The following GGA1 variants were observed in gnomAD, a reference collection of about 807,000 sequenced individuals.
GGA1 encodes the protein golgi associated, gamma adaptin ear containing, ARF binding protein 1.
Under a neutral mutation model 76.9 loss-of-function variants are expected in GGA1, and 18 were observed. That is an observed-to-expected ratio of 0.23 (90% confidence interval 0.16 to 0.35). The LOEUF is 0.35. Ranked by LOEUF, GGA1 falls within the 10% of genes least tolerant of loss-of-function variation. The pLI is 1.00. For missense variants in GGA1, 755 were observed against 859.0 expected (o/e 0.88, Z 1.51); for synonymous variants, 342 against 354.7 (o/e 0.96, Z 0.40).
At chr22:37,620,425 G>T in intron 5 of GGA1, 64 bp downstream of exon 5, 1 of 1,573,128 alleles carries the variant, frequency 6.4e-7, no homozygotes, top group Non-Finnish European at 8.7e-7. Flanking sequence ...CATGAGCTGG[G>T]GCTCCAGCGG....
At chr22:37,617,901 C>G (rs867349927) in intron 3 of GGA1, 13 of 210,924 alleles carry the variant, frequency 6.2e-5, no homozygotes, top group Admixed American at 3.3e-4. Flanking sequence ...GCGGGCAGAT[C>G]ACCTGAGATC....
In GGA1 at chr22:37,633,112, G is replaced by C. The variant is rs561619827; in HGVS notation, c.*401G>C. 5.4e-6 allele frequency: 1 copy of C among 184,034 alleles called. No homozygotes were observed. The highest frequency in any genetic ancestry group is 1.2e-5 in the Non-Finnish European group (1 of 86,582). 11.4% of individuals were successfully genotyped at this position (184,034 alleles called of 1,614,324 possible). ...CTCTTATGCCTTATGGGAAGGCCCAGCCATAACTCGGGGGCCATGCTGGAG... is the reference window on the plus strand; with the variant it reads ...CTCTTATGCCTTATGGGAAGGCCCACCCATAACTCGGGGGCCATGCTGGAG... On this transcript the variant is annotated 3_prime_UTR_variant, in exon 17 of 17. Coordinates refer to ENST00000343632, the MANE Select transcript of GGA1 (RefSeq NM_013365.5).
intron 11 of GGA1, chr22:37,626,361 G>A (rs561278919): frequency 2.6e-5 from 4 of 154,134 alleles, no homozygotes; most frequent in African/African-American, 9.6e-5. Context: ...GAGAAGCCGA[G>A]GCCAGAGCGC....
intron 1 of GGA1, 29 bp downstream of exon 1, chr22:37,608,932 A>G (rs1926907238): frequency 1.5e-6 from 2 of 1,312,070 alleles, no homozygotes; most frequent in South Asian, 2.1e-5. Flanking sequence ...CGCGGGCCGG[A>G]CCGGAACCGG....
At chr22:37,629,730 T>C (rs1310105350) in intron 12 of GGA1, among the ~76,000 whole-genome samples, 1 of 152,186 alleles carries the variant, frequency 6.6e-6, no homozygotes, top group Non-Finnish European at 1.5e-5. Context: ...GTCTCAGCCT[T>C]GGGGCTGCAG....
At position 37,630,891 on chromosome 22, in the gene GGA1, C is replaced by A; in HGVS notation, c.1332-12C>A. 2 of 1,597,946 alleles carry A rather than the reference C, an allele frequency of 1.3e-6. No individual in the cohort carries two copies. Among genetic ancestry groups the A allele is most frequent in the East Asian group, 2.2e-5 (1 of 44,632 alleles). On this transcript the variant is annotated splice_polypyrimidine_tract_variant and intron_variant, in intron 13 of 16. Transcript: ENST00000343632. ...CAAGAATCACTTCTTAATGCACTGT[C>A]CCCCGATTAAGGGAGAAGCAGCAGC... is the stretch of plus-strand genomic sequence containing the variant.
chr22:37,630,112 C>T lies in GGA1; in HGVS notation c.1273C>T (p.Leu425Phe), dbSNP rs771065392. 6.2e-7 allele frequency: 1 copy of T among 1,609,314 alleles called. No homozygotes were observed. Residue 425 changes from leucine (L) to phenylalanine (F), a missense_variant, in exon 13 of 17, where the codon CTC becomes TTC. Transcript: ENST00000343632. ...PASSGLDDLD[L>F]LGKTLLQQSL... ...AAGCAGCGGTCTGGACGACCTAGAC[C>T]TCCTGGGGAAGACCCTCCTGCAGCA...
intron 3 of GGA1, chr22:37,617,622 C>A: frequency 1.3e-6 from 1 of 756,140 alleles, no homozygotes; most frequent in Non-Finnish European, 1.6e-6. Flanking sequence ...TTGCTTGAGG[C>A]AAGGAGTTCA....
At chr22:37,620,463 C>T in intron 5 of GGA1, 102 bp downstream of exon 5, 1 of 1,262,822 alleles carries the variant, frequency 7.9e-7, no homozygotes, top group East Asian at 2.3e-5. Context: ...CCAGCAAGGT[C>T]ATGGGTCTGT....
intron 7 of GGA1, among the ~76,000 whole-genome samples, chr22:37,622,726 TC>T (rs1930122184): frequency 6.6e-6 from 1 of 151,854 alleles, no homozygotes; most frequent in South Asian, 2.1e-4. Context: ...ATGCCTGTAA[TC>T]CCAGCACTTT....
chr22:37,619,326 A>C (rs1349945434), intron 4 of GGA1, among the ~76,000 whole-genome samples: 1 of 151,738 alleles, frequency 6.6e-6, no homozygotes, highest in African/African-American at 2.4e-5. Context: ...TGGACTCCCA[A>C]AGTGCCGGGA....
rs373881165 is a variant in GGA1, at chr22:37,617,082, G to T, written c.204+85G>T. 1.2e-4 allele frequency: 192 copies of T among 1,549,510 alleles called. No homozygotes were observed. The Middle Eastern group carries it at 2.0e-3, about 16-fold the overall frequency. Reference sequence around the variant, plus strand: ...AGACTGAGGTTCTTGGGGTCCATAAGGCTCTTCAGAGCCCAAGAGAGTTGT... The same window carrying T: ...AGACTGAGGTTCTTGGGGTCCATAATGCTCTTCAGAGCCCAAGAGAGTTGT... On this transcript the variant is annotated intron_variant, in intron 3 of 16. Transcript: ENST00000343632.
chr22:37,626,286 A>G (rs963143428), intron 11 of GGA1: 6 of 195,996 alleles, frequency 3.1e-5, no homozygotes, highest in Non-Finnish European at 6.2e-5. Flanking sequence ...GCAAAAGTTC[A>G]GCAGTTTCTT....
Position 37,623,721 on chromosome 22 carries a change from C to A in GGA1, c.832+88C>A. The A allele has an allele frequency of 1.1e-6, 1 of 948,190 alleles. No homozygotes were observed. Among genetic ancestry groups the A allele is most frequent in the Non-Finnish European group, 1.6e-6 (1 of 617,106 alleles). The allele number at this position is 948,190 out of a possible 1,614,324, so 58.7% of individuals were successfully genotyped here. On this transcript the variant is annotated intron_variant, in intron 9 of 16. Coordinates refer to ENST00000343632, the MANE Select transcript of GGA1 (RefSeq NM_013365.5). The surrounding 1 kb of genome is among the most constrained non-coding windows in gnomAD (Gnocchi z 4.6). ...TCCCCCAGGCCCTGCTAAGTATCTG[C>A]AGTTGGAAGGAGCCACCACCAGGGG...
At chr22:37,628,349 C>T (rs1041805218) in intron 11 of GGA1, among the ~76,000 whole-genome samples, 1 of 152,200 alleles carries the variant, frequency 6.6e-6, no homozygotes, top group African/African-American at 2.4e-5. Context: ...AGACATTAGC[C>T]ACTGCACCTG....
intron 3 of GGA1, chr22:37,617,806 T>C: frequency 1.0e-6 from 1 of 954,280 alleles, no homozygotes; most frequent in Non-Finnish European, 1.2e-6. Flanking sequence ...AGGTAGGTGT[T>C]GCCTATATAA....
chr22:37,617,202 C>T, intron 3 of GGA1: 1 of 1,424,276 alleles, frequency 7.0e-7, no homozygotes, highest in Non-Finnish European at 9.1e-7. Context: ...TACACGTAGG[C>T]CTGTTGCTGA....
At position 37,632,748 on chromosome 22, in the gene GGA1, C is replaced by G; in HGVS notation, c.*37C>G. 8.1e-7 allele frequency: 1 copy of G among 1,231,968 alleles called. No individual in the cohort carries two copies. The highest frequency in any genetic ancestry group is 1.2e-6 in the Non-Finnish European group (1 of 851,322). The allele number at this position is 1,231,968 out of a possible 1,614,324, so 76.3% of individuals were successfully genotyped here. ...TGGGGAGAGGAAGGGGCAGAGGGAC[C>G]GGTCACTGTCCAGCCTGGAGGGAGG... On this transcript the variant is annotated 3_prime_UTR_variant, in exon 17 of 17. Coordinates refer to ENST00000343632, the MANE Select transcript of GGA1 (RefSeq NM_013365.5). This position sits in a 1 kb window ranked among gnomAD's most constrained non-coding sequence, Gnocchi z 5.1.
At chr22:37,617,314 A>C (rs1433077968) in intron 3 of GGA1, 1 of 1,260,686 alleles carries the variant, frequency 7.9e-7, no homozygotes, top group Non-Finnish European at 1.0e-6. Flanking sequence ...TCAGGGCTCC[A>C]CCCAGACCTG....
Sources: gnomAD v4.1 joint callset for allele counts (sites outside exome capture counted in the v4.1 genomes callset) on GRCh38, gnomAD v4.1.1 for gene constraint, Gnocchi (gnomAD v3.1) non-coding constraint, MANE v1.5 for transcripts, NCBI Gene and HGNC (gene_info 2026-07-23, HGNC 2026-07-21) for gene names.